SDK1: variants seen among roughly 807,000 people sequenced by gnomAD.
The protein encoded by SDK1 is sidekick cell adhesion molecule 1, also known as protein sidekick-1.
SDK1 carries 157 observed loss-of-function variants against 245.5 expected under a neutral mutation model. That is an observed-to-expected ratio of 0.64 (90% confidence interval 0.56 to 0.73). SDK1 has a LOEUF of 0.73. SDK1 is among the 30% of genes least tolerant of loss of function. The pLI is 0.00. For missense variants in SDK1, 3,583 were observed against 3,002.3 expected (o/e 1.19, Z -4.52); for synonymous variants, 1,647 against 1,278.5 (o/e 1.29, Z -6.15).
At chr7:4,207,350 C>A (rs2128227524) in intron 36 of SDK1, among the ~76,000 whole-genome samples, 1 of 152,318 alleles carries the variant, frequency 6.6e-6, no homozygotes, top group South Asian at 2.1e-4. Flanking sequence ...CTGGCTGGCA[C>A]TGGTCGGAGG....
Position 3,648,798 on chromosome 7 carries a change from A to G in SDK1, c.713+6693A>G, listed in dbSNP as rs551131013. Among the ~76,000 whole-genome samples the G allele has an allele frequency of 2.6e-5, 4 of 152,358 alleles. No individual in the cohort carries two copies. In the South Asian group the frequency reaches 8.3e-4, roughly 32 times the overall value. On this transcript the variant is annotated intron_variant, in intron 4 of 44. Transcript: ENST00000404826. Reference sequence around the variant, plus strand: ...GAACCGAGCCATATTTGGTATAAGTAAAACAGACGAGTAGATACGGGTTCC... The same window carrying G: ...GAACCGAGCCATATTTGGTATAAGTGAAACAGACGAGTAGATACGGGTTCC...
chr7:4,055,221 G>C (rs139411528), intron 19 of SDK1, among the ~76,000 whole-genome samples: 29 of 152,272 alleles, frequency 1.9e-4, no homozygotes, highest in Non-Finnish European at 4.0e-4. Context: ...AACTCTCAGG[G>C]ACTGAAGAAT....
chr7:3,350,425 T>C (rs937776750), intron 1 of SDK1, among the ~76,000 whole-genome samples: 3 of 152,220 alleles, frequency 2.0e-5, no homozygotes, highest in Middle Eastern at 3.2e-3. Flanking sequence ...ACATAACTGA[T>C]TATTATCTGC....
chr7:4,112,868 A>G (rs538529580), intron 23 of SDK1, among the ~76,000 whole-genome samples: 2 of 151,950 alleles, frequency 1.3e-5, no homozygotes, highest in Non-Finnish European at 2.9e-5. Flanking sequence ...ATTCTCCTGC[A>G]TCAGCCTCTT....
rs375595635 is a variant in SDK1, at chr7:3,962,753, G to A, written c.1331G>A (p.Arg444His). The change falls in exon 9 of 45, where the codon CGC (arginine) becomes CAC (histidine). Residue 444 changes from arginine to histidine, a missense_variant. By Grantham distance (29) the Arg-to-His change is conservative (BLOSUM62 0). Coordinates refer to ENST00000404826, the MANE Select transcript of SDK1 (RefSeq NM_152744.4). The part of the protein sequence containing the change: ...RYKVLASGGL[R>H]IQKLRPEDSG... ...AAAGTGCTCGCCAGCGGAGGCCTGC[G>A]CATCCAGAAGCTGCGTCCAGAGGAC... 41 of 1,613,498 alleles carry A rather than the reference G, an allele frequency of 2.5e-5. No individual in the cohort carries two copies. Among genetic ancestry groups the A allele is most frequent in the Middle Eastern group, 1.6e-4 (1 of 6,080 alleles).
chr7:3,955,590 G>A (rs907924221), intron 7 of SDK1, among the ~76,000 whole-genome samples: 13 of 152,198 alleles, frequency 8.5e-5, no homozygotes, highest in African/African-American at 2.7e-4. Context: ...CAGGCCAGCC[G>A]AGGGCATGCG....
At chr7:3,337,811 T>C (rs938741712) in intron 1 of SDK1, 4 of 152,232 alleles carry the variant, frequency 2.6e-5, no homozygotes, top group African/African-American at 9.6e-5. Flanking sequence ...CTTTCAGGAA[T>C]GAGGGGAAAA....
At chr7:3,430,521 G>C (rs1183933884) in intron 1 of SDK1, among the ~76,000 whole-genome samples, 1 of 152,060 alleles carries the variant, frequency 6.6e-6, no homozygotes, top group Non-Finnish European at 1.5e-5. Context: ...GCTTCCTCCT[G>C]CTCGTCAGCT....
In SDK1 at chr7:4,178,555, C is replaced by T. The variant is rs200759087; in HGVS notation, c.5067C>T (p.Ser1689=). ...AYNIIGESPA[S]APVEVFVGEA... is the part of the protein sequence containing the mutation. ...ACATCATCGGCGAGAGCCCAGCCAGCGCGCCCGTGGAGGTCTTTGTCGGCG... is the reference window on the plus strand; with the variant it reads ...ACATCATCGGCGAGAGCCCAGCCAGTGCGCCCGTGGAGGTCTTTGTCGGCG... The change falls in exon 35 of 45, where the codon AGC becomes AGT. Residue 1689 remains serine, a synonymous_variant. Transcript: ENST00000404826. 5.1e-5 allele frequency: 82 copies of T among 1,612,820 alleles called. No individual in the cohort carries two copies. Among genetic ancestry groups the T allele is most frequent in the Non-Finnish European group, 5.3e-5 (63 of 1,179,856 alleles).
At chr7:3,906,046 C>T (rs901665409) in intron 5 of SDK1, among the ~76,000 whole-genome samples, 1 of 152,130 alleles carries the variant, frequency 6.6e-6, no homozygotes, top group Admixed American at 6.5e-5. Flanking sequence ...ATTTTCTCTT[C>T]CCATTCATCG....
chr7:3,853,586 A>G (rs1780470295), intron 5 of SDK1, among the ~76,000 whole-genome samples: 1 of 152,116 alleles, frequency 6.6e-6, no homozygotes, highest in Admixed American at 6.5e-5. Flanking sequence ...TGGATTTTGG[A>G]ATATTTGCAG....
In SDK1 at chr7:3,445,391, T is replaced by A. The variant is rs541118361; in HGVS notation, c.298+143507T>A. The stretch of plus-strand genomic sequence containing the variant: ...ATGGTTAGGTTAAGTTAGGTTAAAC[T>A]GTGGAAGGAAATTGTGCTGTCTCTC... On this transcript the variant is annotated intron_variant, in intron 1 of 44. Transcript: ENST00000404826. 2.8e-4 allele frequency among the ~76,000 whole-genome samples: 42 copies of A among 152,324 alleles called. No individual in the cohort carries two copies. The South Asian group carries it at 8.3e-3, about 30-fold the overall frequency.
intron 32 of SDK1, among the ~76,000 whole-genome samples, chr7:4,173,974 A>G (rs1782013966): frequency 6.6e-6 from 1 of 152,240 alleles, no homozygotes; most frequent in Non-Finnish European, 1.5e-5. Context: ...TGAGCTGGAC[A>G]GGGGTCAAAA....
intron 1 of SDK1, among the ~76,000 whole-genome samples, chr7:3,347,373 T>C (rs952113665): frequency 3.3e-5 from 5 of 152,182 alleles, no homozygotes; most frequent in Admixed American, 1.3e-4. Flanking sequence ...TGGATACCAG[T>C]TGGAGATCTG....
intron 5 of SDK1, among the ~76,000 whole-genome samples, chr7:3,899,117 TG>T (rs1326522872): frequency 5.3e-5 from 8 of 152,234 alleles, no homozygotes; most frequent in African/African-American, 1.9e-4. Flanking sequence ...TCAGTCTTAC[TG>T]GTGACTTTAA....
chr7:3,905,007 A>AAAT lies in SDK1; in HGVS notation c.848-45904_848-45902dup, dbSNP rs1554279224. Among the ~76,000 whole-genome samples the AAAT allele has an allele frequency of 1.1e-3, 161 of 143,456 alleles. 1 individual carries two copies. Among genetic ancestry groups the AAAT allele is most frequent in the East Asian group, 1.5e-3 (7 of 4,696 alleles). The allele number at this position is 143,456 out of a possible 152,430, so 94.1% of individuals were successfully genotyped here. ...GACTCCGTCTCAAAAAAAAAAAAAAAAATAATAATAATAAAACCTACTTAT... is the reference window on the plus strand; with the variant it reads ...GACTCCGTCTCAAAAAAAAAAAAAAAAATAATAATAATAATAAAACCTACTTAT... On this transcript the variant is annotated intron_variant, in intron 5 of 44. Transcript: ENST00000404826.
chr7:3,510,354 C>T (rs1384296159), intron 1 of SDK1, among the ~76,000 whole-genome samples: 1 of 152,168 alleles, frequency 6.6e-6, no homozygotes, highest in African/African-American at 2.4e-5. Flanking sequence ...GTAGGTATTA[C>T]TGAATAATGT....
chr7:3,901,773 G>A (rs1020049409), intron 5 of SDK1, among the ~76,000 whole-genome samples: 2 of 152,112 alleles, frequency 1.3e-5, no homozygotes, highest in East Asian at 1.9e-4. Context: ...CATCCTTTGT[G>A]TGTTTATTAG....
intron 4 of SDK1, among the ~76,000 whole-genome samples, chr7:3,719,788 C>T (rs1222159075): frequency 2.6e-5 from 4 of 151,890 alleles, no homozygotes; most frequent in African/African-American, 9.7e-5. Context: ...ACCATCCTGG[C>T]CAACATGGTG....
Sources: allele counts gnomAD v4.1 joint callset (sites outside exome capture counted in the v4.1 genomes callset), GRCh38; gene constraint gnomAD v4.1.1; transcripts MANE v1.5; gene names NCBI Gene and HGNC (gene_info 2026-07-23, HGNC 2026-07-21).